INPP4B: variants seen among roughly 807,000 people sequenced by gnomAD.
INPP4B encodes inositol polyphosphate-4-phosphatase type II B, also known as inositol polyphosphate 4-phosphatase type II.
In INPP4B, 55 loss-of-function variants were observed where a neutral mutation model predicts 122.5. The ratio of observed to expected loss-of-function variants is 0.45; its 90% confidence interval spans 0.36 to 0.56. The LOEUF is 0.56. Among genes scored for constraint, INPP4B ranks in the 20% least tolerant of loss-of-function variants. The pLI is 0.00. For synonymous variants in INPP4B, 403 were observed against 388.7 expected, an observed-to-expected ratio of 1.04 and a Z score of -0.43; for missense variants, 1,000 against 1,097.7, an observed-to-expected ratio of 0.91 and a Z score of 1.26.
chr4:142,412,176 T>C (rs1393730539), intron 5 of INPP4B, among the ~76,000 whole-genome samples: 1 of 152,210 alleles, frequency 6.6e-6, no homozygotes, highest in Non-Finnish European at 1.5e-5. Context: ...TTGGACTCCA[T>C]TATATGGTTT....
chr4:142,285,569 C>A (rs1753273487), intron 9 of INPP4B, among the ~76,000 whole-genome samples: 1 of 87,142 alleles, frequency 1.1e-5, no homozygotes, highest in African/African-American at 9.6e-5. Context: ...CTATCCTATA[C>A]CAGGTATGAA....
chr4:142,281,344 T>C (rs927116315), intron 9 of INPP4B, among the ~76,000 whole-genome samples: 2 of 151,720 alleles, frequency 1.3e-5, no homozygotes, highest in African/African-American at 4.8e-5. Flanking sequence ...AAGCATTTTT[T>C]TTTTTTTGCT....
intron 2 of INPP4B, among the ~76,000 whole-genome samples, chr4:142,623,771 A>C (rs1361522373): frequency 7.7e-6 from 1 of 130,222 alleles, no homozygotes; most frequent in African/African-American, 3.0e-5. Context: ...TCCTGTGTCC[A>C]TGTGTTCTCA....
At chr4:142,769,906 C>A (rs369727695) in intron 1 of INPP4B, among the ~76,000 whole-genome samples, 1 of 151,812 alleles carries the variant, frequency 6.6e-6, no homozygotes, top group East Asian at 1.9e-4. Context: ...AGAGTGAGAC[C>A]CTGTCTCAAA....
intron 7 of INPP4B, among the ~76,000 whole-genome samples, chr4:142,360,087 A>ATAATTTTAACATTTAGG (rs1368202844): frequency 6.6e-6 from 1 of 151,990 alleles, no homozygotes; most frequent in African/African-American, 2.4e-5. Flanking sequence ...AAGAAATAGC[A>ATAATTTTAACATTTAGG]TAATTTTAAC....
At chr4:142,032,657 C>T (rs983977573) in intron 25 of INPP4B, among the ~76,000 whole-genome samples, 10 of 152,148 alleles carry the variant, frequency 6.6e-5, no homozygotes, top group Non-Finnish European at 1.5e-5. Flanking sequence ...CGGAGTCAGA[C>T]CAGCTGTTTC....
intron 2 of INPP4B, among the ~76,000 whole-genome samples, chr4:142,532,636 T>C (rs1412052641): frequency 1.3e-5 from 2 of 152,156 alleles, no homozygotes; most frequent in Non-Finnish European, 1.5e-5. Context: ...AGATAGGACC[T>C]CAGTAACTAC....
chr4:142,804,779 A>C (rs2151099962), intron 1 of INPP4B, among the ~76,000 whole-genome samples: 1 of 152,078 alleles, frequency 6.6e-6, no homozygotes, highest in African/African-American at 2.4e-5. Context: ...TGATCCTTCC[A>C]CCTCAGCGTC....
At chr4:142,596,007 C>G (rs1183555788) in intron 2 of INPP4B, among the ~76,000 whole-genome samples, 1 of 152,072 alleles carries the variant, frequency 6.6e-6, no homozygotes, top group African/African-American at 2.4e-5. Context: ...CACCACCATG[C>G]CCAGCTAATT....
At chr4:142,754,784 C>T (rs149642718) in intron 1 of INPP4B, among the ~76,000 whole-genome samples, 3 of 151,772 alleles carry the variant, frequency 2.0e-5, no homozygotes, top group East Asian at 3.9e-4. Context: ...TGAGAATAGG[C>T]GTCAGATAAA....
At chr4:142,148,476 A>G (rs1183649318) in intron 17 of INPP4B, among the ~76,000 whole-genome samples, 1 of 152,144 alleles carries the variant, frequency 6.6e-6, no homozygotes, top group Non-Finnish European at 1.5e-5. Flanking sequence ...AGCCTCCCAA[A>G]GTGCTGGGAT....
chr4:142,488,911 C>T (rs1220495848), intron 2 of INPP4B, among the ~76,000 whole-genome samples: 2 of 151,790 alleles, frequency 1.3e-5, no homozygotes, highest in Admixed American at 6.6e-5. Context: ...TTTTAATTTA[C>T]TCTCCCTTTT....
chr4:142,086,466 A>T (rs146203953), intron 23 of INPP4B, among the ~76,000 whole-genome samples: 1,543 of 152,180 alleles, frequency 0.01, 30 homozygotes, highest in African/African-American at 0.035. Context: ...TGATCCTCCC[A>T]CCTCAGTGCC....
intron 15 of INPP4B, among the ~76,000 whole-genome samples, chr4:142,180,342 C>T (rs2636674): frequency 0.54 from 81,437 of 151,912 alleles, 26,339 homozygotes; most frequent in Non-Finnish European, 0.7. Flanking sequence ...ACAGAAGGTA[C>T]ATATACAAGC....
chr4:142,382,067 T>G (rs377161631), intron 7 of INPP4B, among the ~76,000 whole-genome samples: 2 of 152,136 alleles, frequency 1.3e-5, no homozygotes, highest in East Asian at 3.8e-4. Flanking sequence ...TTCCCAACAT[T>G]CCTCTCCATA....
chr4:142,624,029 A>G (rs1033685878), intron 2 of INPP4B, among the ~76,000 whole-genome samples: 12 of 152,004 alleles, frequency 7.9e-5, no homozygotes, highest in Admixed American at 5.3e-4. Context: ...CAATAAACAT[A>G]CGTGTGCATG....
At chr4:142,694,197 A>ACC (rs1298662969) in intron 2 of INPP4B, among the ~76,000 whole-genome samples, 1 of 151,812 alleles carries the variant, frequency 6.6e-6, no homozygotes, top group African/African-American at 2.4e-5. Context: ...ACATGGTGAA[A>ACC]CCCCGTCTGT....
At chr4:142,650,928 G>A (rs571821491) in intron 2 of INPP4B, among the ~76,000 whole-genome samples, 1 of 152,168 alleles carries the variant, frequency 6.6e-6, no homozygotes, top group African/African-American at 2.4e-5. Context: ...ATTCTTCTCA[G>A]CACCACATCA....
intron 1 of INPP4B, among the ~76,000 whole-genome samples, chr4:142,744,638 C>G (rs892177210): frequency 6.6e-6 from 1 of 151,490 alleles, no homozygotes; most frequent in Non-Finnish European, 1.5e-5. Flanking sequence ...CTTTAACATG[C>G]TGAAAAAATT....
Sources: gnomAD v4.1 joint callset for allele counts (sites outside exome capture counted in the v4.1 genomes callset) on GRCh38, gnomAD v4.1.1 for gene constraint, MANE v1.5 for transcripts, NCBI Gene and HGNC (gene_info 2026-07-23, HGNC 2026-07-21) for gene names.